Variants in SRGAP3 observed in about 807,000 individuals in gnomAD.
The protein encoded by SRGAP3 is SLIT-ROBO Rho GTPase-activating protein 3.
Under a neutral mutation model 121.1 loss-of-function variants are expected in SRGAP3, and 39 were observed. The observed-to-expected ratio is 0.32, with a 90% CI of 0.25 to 0.42. SRGAP3 has a LOEUF of 0.42. Ranked by LOEUF, SRGAP3 falls within the 10% of genes least tolerant of loss-of-function variation. The pLI is 1.00. For missense variants in SRGAP3, 1,213 were observed against 1,470.6 expected (o/e 0.82, Z 2.86); for synonymous variants, 601 against 570.0 (o/e 1.05, Z -0.77).
intron 2 of SRGAP3, among the ~76,000 whole-genome samples, chr3:9,121,422 G>A (rs191157381): frequency 6.3e-4 from 96 of 152,324 alleles, no homozygotes; most frequent in Admixed American, 1.6e-3. Context: ...TAGGCAGCCC[G>A]AGGCCAGTCA....
rs566179759 is a variant in SRGAP3, at chr3:9,218,803, G to C, written c.67+30082C>G. Among the ~76,000 whole-genome samples the C allele has an allele frequency of 6.6e-6, 1 of 152,042 alleles. No homozygotes were observed. Among genetic ancestry groups the C allele is most frequent in the South Asian group, 2.1e-4 (1 of 4,796 alleles). On this transcript the variant is annotated intron_variant, in intron 1 of 21. Coordinates refer to ENST00000383836, the MANE Select transcript of SRGAP3 (RefSeq NM_014850.4). The surrounding 1 kb of genome is among the most constrained non-coding windows in gnomAD (Gnocchi z 5.3). ...TCCTCCCACCTCAGCCTCTCTAGTA[G>C]CTGGGAATACAGGTGTGAACCACCA...
intron 1 of SRGAP3, among the ~76,000 whole-genome samples, chr3:9,340,819 G>C (rs541260009): frequency 6.6e-6 from 1 of 152,190 alleles, no homozygotes; most frequent in African/African-American, 2.4e-5. Context: ...CTAAGAAAAG[G>C]CTAGACTATT....
rs1338603682 is a variant in SRGAP3, at chr3:9,205,067, G to T, written c.67+43818C>A. On this transcript the variant is annotated intron_variant, in intron 1 of 21. Transcript: ENST00000383836. ...CTCTGGGAGAGACAATCTCCCTTCG[G>T]ATCCCAGACCCAGGAAGGGGCACCC... Among the ~76,000 whole-genome samples the T allele has an allele frequency of 2.6e-5, 4 of 152,162 alleles. No homozygotes were observed. In the East Asian group the frequency reaches 7.7e-4, roughly 29 times the overall value.
At position 9,111,634 on chromosome 3, in the gene SRGAP3, C is replaced by A. The variant is rs186096333; in HGVS notation, c.261-6792G>T. On this transcript the variant is annotated intron_variant, in intron 2 of 21. Coordinates refer to ENST00000383836, the MANE Select transcript of SRGAP3 (RefSeq NM_014850.4). ...GAGGGCCGCAGACCGCAGAGCCAGACGCCAGGCTGCAGAAAACTTGAGCCT... is the reference window on the plus strand; with the variant it reads ...GAGGGCCGCAGACCGCAGAGCCAGAAGCCAGGCTGCAGAAAACTTGAGCCT... Among the ~76,000 whole-genome samples the A allele has an allele frequency of 4.1e-3, 620 of 152,264 alleles. 1 individual carries two copies. Among genetic ancestry groups the A allele is most frequent in the South Asian group, 6.4e-3 (31 of 4,820 alleles).
chr3:9,298,341 G>A (rs898734015), intron 3 of SRGAP3, among the ~76,000 whole-genome samples: 2 of 152,136 alleles, frequency 1.3e-5, no homozygotes, highest in African/African-American at 4.8e-5. Flanking sequence ...AGTAACAGAA[G>A]GAAAAAGAGA....
chr3:9,349,051 C>A lies in SRGAP3; in HGVS notation n.214+13789G>T. On this transcript the variant is annotated intron_variant and non_coding_transcript_variant, in intron 1 of 3. Coordinates refer to the SRGAP3 transcript ENST00000490889. ...TGGAGGGCCTCTCTGAAGAGGCTAT[C>A]ATGGAGCTGAACCTGCCCACTGGTA... is the stretch of plus-strand genomic sequence containing the variant. 4.1e-6 allele frequency: 4 copies of A among 980,264 alleles called. No homozygotes were observed. In the South Asian group the frequency reaches 5.1e-5, roughly 12 times the overall value. 60.7% of individuals were successfully genotyped at this position (980,264 alleles called of 1,614,324 possible).
At chr3:9,167,608 C>G (rs540847938) in intron 1 of SRGAP3, among the ~76,000 whole-genome samples, 1 of 152,246 alleles carries the variant, frequency 6.6e-6, no homozygotes, top group Non-Finnish European at 1.5e-5. Flanking sequence ...TTCCCAAGCC[C>G]CTAGCTTTTG....
chr3:9,246,542 C>G (rs1953830652), intron 1 of SRGAP3, among the ~76,000 whole-genome samples: 1 of 152,154 alleles, frequency 6.6e-6, no homozygotes, highest in Admixed American at 6.5e-5. Context: ...GCCTTGTGAC[C>G]TTGGGCAAGT....
intron 3 of SRGAP3, among the ~76,000 whole-genome samples, chr3:9,263,896 A>C (rs1954302894): frequency 6.6e-6 from 1 of 152,218 alleles, no homozygotes; most frequent in African/African-American, 2.4e-5. Context: ...CTGATACTAA[A>C]ACCTGGCAGA....
intron 1 of SRGAP3, among the ~76,000 whole-genome samples, chr3:9,152,304 C>CGACT (rs1161812464): frequency 1.3e-5 from 2 of 152,196 alleles, no homozygotes; most frequent in African/African-American, 4.8e-5. Context: ...CTCCCTCCAG[C>CGACT]GACTGGACCA....
chr3:9,206,871 G>A (rs986340732), intron 1 of SRGAP3, among the ~76,000 whole-genome samples: 1 of 152,122 alleles, frequency 6.6e-6, no homozygotes, highest in African/African-American at 2.4e-5. Flanking sequence ...TCTATTTCAT[G>A]ACAGTCTGCC....
chr3:9,076,962 ATAT>A (rs375875906), intron 4 of SRGAP3, among the ~76,000 whole-genome samples: 11 of 151,608 alleles, frequency 7.3e-5, no homozygotes, highest in Non-Finnish European at 2.9e-5. Context: ...TACTCTTTTT[ATAT>A]TATTATTATT....
chr3:9,158,071 T>G (rs1950480066), intron 1 of SRGAP3, among the ~76,000 whole-genome samples: 1 of 152,186 alleles, frequency 6.6e-6, no homozygotes, highest in Non-Finnish European at 1.5e-5. Flanking sequence ...ACCAGGACTG[T>G]CAGGACAACC....
intron 3 of SRGAP3, among the ~76,000 whole-genome samples, chr3:9,316,474 T>A (rs977644802): frequency 6.0e-5 from 9 of 150,190 alleles, no homozygotes; most frequent in Non-Finnish European, 1.0e-4. Context: ...CTGGCCAACA[T>A]GGTGAAACCC....
chr3:9,311,652 CT>C (rs1378817444), intron 3 of SRGAP3, among the ~76,000 whole-genome samples: 2 of 152,282 alleles, frequency 1.3e-5, no homozygotes, highest in African/African-American at 2.4e-5. Context: ...CTTCCTTCGA[CT>C]TTTTTTCAAC....
In SRGAP3 at chr3:9,027,149, G is replaced by A. The variant is rs184635604; in HGVS notation, c.1540-154C>T. 5.4e-4 allele frequency among the ~76,000 whole-genome samples: 82 copies of A among 152,222 alleles called. 1 individual carries two copies. Among genetic ancestry groups the A allele is most frequent in the African/African-American group, 1.8e-3 (76 of 41,506 alleles). On this transcript the variant is annotated intron_variant, in intron 12 of 21. Coordinates refer to ENST00000383836, the MANE Select transcript of SRGAP3 (RefSeq NM_014850.4). ...GAACTGCTAATCCTAAAGTCTCCACGGACAGTTACAATAGAGAGTCTTCAA... is the reference window on the plus strand; with the variant it reads ...GAACTGCTAATCCTAAAGTCTCCACAGACAGTTACAATAGAGAGTCTTCAA...
At chr3:9,002,617 C>T (rs385995) in intron 18 of SRGAP3, among the ~76,000 whole-genome samples, 59,542 of 151,788 alleles carry the variant, frequency 0.39, 12,674 homozygotes, top group East Asian at 0.61. Context: ...AAATAGAGAA[C>T]AGAAAAACAA....
intron 3 of SRGAP3, among the ~76,000 whole-genome samples, chr3:9,097,003 ATATTAGAGACAGGGTCTCTCTC>A (rs1226702189): frequency 7.1e-6 from 1 of 140,820 alleles, no homozygotes; most frequent in East Asian, 2.1e-4. Flanking sequence ...ACATATATAT[ATATTAGAGACAGGGTCTCTCTC>A]TATTGTCCAG....
chr3:9,306,055 C>T (rs1479382044), intron 3 of SRGAP3, among the ~76,000 whole-genome samples: 1 of 152,006 alleles, frequency 6.6e-6, no homozygotes, highest in Non-Finnish European at 1.5e-5. Context: ...ATTTCTTCTC[C>T]ACATCCTCTC....
Sources: gnomAD v4.1 joint callset for allele counts (sites outside exome capture counted in the v4.1 genomes callset) on GRCh38, gnomAD v4.1.1 for gene constraint, Gnocchi (gnomAD v3.1) non-coding constraint, MANE v1.5 for transcripts, NCBI Gene and HGNC (gene_info 2026-07-23, HGNC 2026-07-21) for gene names.